The following EPHB1 variants were observed in gnomAD, a reference collection of about 807,000 sequenced individuals.
EPHB1 encodes EPH receptor B1.
Under a neutral mutation model 94.4 loss-of-function variants are expected in EPHB1, and 30 were observed. The ratio of observed to expected loss-of-function variants is 0.32; its 90% confidence interval spans 0.24 to 0.43. EPHB1 has a LOEUF of 0.43. Ranked by LOEUF, EPHB1 falls within the 20% of genes least tolerant of loss-of-function variation. EPHB1 has a pLI of 1.00. For synonymous variants in EPHB1, 522 were observed against 489.1 expected (o/e 1.07, Z -0.89); for missense variants, 1,055 against 1,308.3 (o/e 0.81, Z 2.99).
intron 10 of EPHB1, among the ~76,000 whole-genome samples, chr3:135,183,034 C>CTTTTCTTTTCTTTTCT (rs10694308): frequency 2.9e-4 from 18 of 62,492 alleles, no homozygotes; most frequent in East Asian, 8.3e-4. Context: ...TCTTTTCTTT[C>CTTTTCTTTTCTTTTCT]TTTCTTTCTT....
chr3:135,116,254 G>T (rs1275222883), intron 4 of EPHB1, among the ~76,000 whole-genome samples: 1 of 152,102 alleles, frequency 6.6e-6, no homozygotes, highest in Non-Finnish European at 1.5e-5. Context: ...AAGTATAAGT[G>T]CAAAGGCTTT....
Position 135,106,521 on chromosome 3 carries a change from C to T in EPHB1, c.879C>T (p.Ser293=), listed in dbSNP as rs1939225593. The change falls in exon 4 of 16, where the codon TCC becomes TCT. Residue 293 remains serine, a synonymous_variant. Coordinates refer to ENST00000398015, the MANE Select transcript of EPHB1 (RefSeq NM_004441.5). ...CCCACTGCCCCTCCAACAGCCGCTC[C>T]CCTGCAGAGGCGTCTCCCATCTGCA... ...GCSHCPSNSR[S]PAEASPICTC... 5.6e-6 allele frequency: 9 copies of T among 1,614,034 alleles called. No homozygotes were observed. Among genetic ancestry groups the T allele is most frequent in the Non-Finnish European group, 7.6e-6 (9 of 1,179,898 alleles).
chr3:134,975,779 CAG>C (rs777080079), intron 3 of EPHB1, among the ~76,000 whole-genome samples: 5 of 151,516 alleles, frequency 3.3e-5, no homozygotes, highest in Non-Finnish European at 7.4e-5. Context: ...TTTAAGAGGG[CAG>C]GGGGGGAGTG....
chr3:135,073,542 A>G (rs371439804), intron 3 of EPHB1, among the ~76,000 whole-genome samples: 3 of 152,326 alleles, frequency 2.0e-5, no homozygotes, highest in Admixed American at 6.5e-5. Flanking sequence ...TCTCTAAGAG[A>G]TAAGAATTCT....
intron 3 of EPHB1, among the ~76,000 whole-genome samples, chr3:134,974,613 A>T (rs1934110657): frequency 6.7e-6 from 1 of 149,674 alleles, no homozygotes; most frequent in Non-Finnish European, 1.5e-5. Context: ...GAATCTCATC[A>T]ACCCTTCTTC....
At chr3:135,150,832 C>CT (rs1941169823) in intron 5 of EPHB1, among the ~76,000 whole-genome samples, 1 of 152,216 alleles carries the variant, frequency 6.6e-6, no homozygotes. Context: ...CTATCTGGTA[C>CT]TCAGCATCTG....
intron 1 of EPHB1, among the ~76,000 whole-genome samples, chr3:134,905,556 AG>A (rs2038305295): frequency 6.6e-6 from 1 of 152,228 alleles, no homozygotes; most frequent in Admixed American, 6.5e-5. Flanking sequence ...CGCTGGGAAA[AG>A]GTGCAATGGA....
intron 5 of EPHB1, among the ~76,000 whole-genome samples, chr3:135,138,776 T>C (rs1480866733): frequency 6.6e-6 from 1 of 152,244 alleles, no homozygotes. Flanking sequence ...TTCAATTTCA[T>C]AGTTTGTTTC....
At chr3:134,866,997 G>A (rs1226054457) in intron 1 of EPHB1, among the ~76,000 whole-genome samples, 2 of 152,162 alleles carry the variant, frequency 1.3e-5, no homozygotes, top group Non-Finnish European at 1.5e-5. Flanking sequence ...TGAACACATT[G>A]AGCAGCCCAT....
chr3:135,105,946 A>G lies in EPHB1; in HGVS notation c.806-502A>G, dbSNP rs113732026. ...TAGCAAGAGCTTGTTAATACATCTC[A>G]TAGTGTGTTCCTCATGTGTGCTGCA... On this transcript the variant is annotated intron_variant, in intron 3 of 15. Transcript: ENST00000398015. Among the ~76,000 whole-genome samples the G allele has an allele frequency of 4.5e-3, 688 of 152,338 alleles. 5 individuals carry two copies. Among genetic ancestry groups the G allele is most frequent in the African/African-American group, 0.016 (662 of 41,578 alleles).
rs397966930 is a variant in EPHB1, at chr3:134,811,242, G to GTTTTTTTTTTTTTTTTTTTTTTTTT, written c.58+15574_58+15575insTTTTTTTTTTTTTTTTTTTTTTTTT. On this transcript the variant is annotated intron_variant, in intron 1 of 15. Coordinates refer to ENST00000398015, the MANE Select transcript of EPHB1 (RefSeq NM_004441.5). ...TCTCATAGTTGCCCCTACTAAGAAG[G>GTTTTTTTTTTTTTTTTTTTTTTTTT]TTTTTTTTTTTTTTTTTTTTTCTGT... is the stretch of plus-strand genomic sequence containing the variant. Among the ~76,000 whole-genome samples the GTTTTTTTTTTTTTTTTTTTTTTTTT allele has an allele frequency of 2.8e-3, 204 of 73,868 alleles. 52 individuals are homozygous for GTTTTTTTTTTTTTTTTTTTTTTTTT. The highest frequency in any genetic ancestry group is 4.4e-3 in the Non-Finnish European group (161 of 36,378). The allele number at this position is 73,868 out of a possible 152,430, so 48.5% of individuals were successfully genotyped here.
chr3:135,196,659 G>T (rs1177044504), intron 11 of EPHB1, among the ~76,000 whole-genome samples: 1 of 152,016 alleles, frequency 6.6e-6, no homozygotes, highest in Non-Finnish European at 1.5e-5. Flanking sequence ...GATAATTTTA[G>T]GATCACTACT....
chr3:134,903,489 T>C (rs115343759), intron 1 of EPHB1, among the ~76,000 whole-genome samples: 2,072 of 152,352 alleles, frequency 0.014, 51 homozygotes, highest in African/African-American at 0.046. Flanking sequence ...GCACCGGCAC[T>C]TTTAGCAGCA....
At chr3:134,992,010 C>T (rs1395263600) in intron 3 of EPHB1, among the ~76,000 whole-genome samples, 1 of 152,106 alleles carries the variant, frequency 6.6e-6, no homozygotes, top group Non-Finnish European at 1.5e-5. Context: ...TTCCATAATC[C>T]TTCTCTACCT....
intron 1 of EPHB1, among the ~76,000 whole-genome samples, chr3:134,897,519 G>A (rs543595058): frequency 6.6e-6 from 1 of 152,130 alleles, no homozygotes; most frequent in Non-Finnish European, 1.5e-5. Flanking sequence ...CTTTTCTTCT[G>A]CCCAGGATAT....
intron 10 of EPHB1, among the ~76,000 whole-genome samples, chr3:135,191,194 A>G (rs74534693): frequency 0.049 from 7,425 of 152,240 alleles, 216 homozygotes; most frequent in Middle Eastern, 0.11. Flanking sequence ...CCCAAAACAC[A>G]TAGTGTTGTA....
intron 12 of EPHB1, among the ~76,000 whole-genome samples, chr3:135,234,505 C>G (rs1943602540): frequency 6.6e-6 from 1 of 152,226 alleles, no homozygotes; most frequent in Admixed American, 6.5e-5. Flanking sequence ...TCCAAAGTCA[C>G]TACCACATTT....
chr3:135,051,761 C>T (rs192553197), intron 3 of EPHB1, among the ~76,000 whole-genome samples: 193 of 152,278 alleles, frequency 1.3e-3, no homozygotes, highest in African/African-American at 4.4e-3. Context: ...CGTTCCATGC[C>T]TCCTGTCAGG....
chr3:134,934,158 C>T (rs1379417807), intron 2 of EPHB1, among the ~76,000 whole-genome samples: 1 of 152,168 alleles, frequency 6.6e-6, no homozygotes, highest in Non-Finnish European at 1.5e-5. Flanking sequence ...CCTGAAACAT[C>T]CTCCATAATT....
Sources: gnomAD v4.1 joint callset for allele counts (sites outside exome capture counted in the v4.1 genomes callset) on GRCh38, gnomAD v4.1.1 for gene constraint, MANE v1.5 for transcripts, NCBI Gene and HGNC (gene_info 2026-07-23, HGNC 2026-07-21) for gene names.